The following GRIK2 variants were observed in gnomAD, a reference collection of about 807,000 sequenced individuals.
GRIK2 encodes the protein glutamate receptor ionotropic, kainate 2.
Under a neutral mutation model 100.3 loss-of-function variants are expected in GRIK2, and 32 were observed. The ratio of observed to expected loss-of-function variants is 0.32; its 90% CI spans 0.24 to 0.43. The LOEUF (loss-of-function observed/expected upper bound fraction) is 0.43, where lower values mean the gene tolerates loss of function less well. Ranked by LOEUF, GRIK2 falls within the 20% of genes least tolerant of loss-of-function variation. GRIK2 has a pLI of 1.00. For synonymous variants in GRIK2, 417 were observed against 389.4 expected (o/e 1.07, Z -0.83); for missense variants, 843 against 1,114.9 (o/e 0.76, Z 3.47).
At chr6:101,964,132 A>G (rs1792507709) in intron 14 of GRIK2, among the ~76,000 whole-genome samples, 1 of 150,856 alleles carries the variant, frequency 6.6e-6, no homozygotes, top group South Asian at 2.1e-4. Context: ...TAGATATATA[A>G]TATATACATA....
intron 2 of GRIK2, among the ~76,000 whole-genome samples, chr6:101,521,859 T>C (rs1247444717): frequency 1.3e-5 from 2 of 152,048 alleles, no homozygotes; most frequent in Non-Finnish European, 1.5e-5. Flanking sequence ...TTTATTTATG[T>C]ATAAAATAAG....
Position 101,889,752 on chromosome 6 carries a change from A to G in GRIK2, c.1637A>G (p.Asn546Ser), listed in dbSNP as rs749878989. The G allele has an allele frequency of 3.7e-6, 6 of 1,611,552 alleles. No homozygotes were observed. The highest frequency in any genetic ancestry group is 5.1e-6 in the Non-Finnish European group (6 of 1,177,940). ...LGISILYRKPNGTNPGVFSFL... is the reference protein window; with the variant it reads ...LGISILYRKPSGTNPGVFSFL... ...ATAAGTATTTTGTACCGCAAGCCCA[A>G]TGGTACAAACCCAGGCGTCTTCTCC... is the stretch of plus-strand genomic sequence containing the variant. Residue 546 changes from asparagine to serine, a missense_variant, in exon 12 of 17, where the codon AAT (asparagine) becomes AGT (serine). Around this residue, in one of 3 missense-constraint regions of GRIK2, gnomAD observed 237 missense variants for 388.0 expected, o/e 0.61. Coordinates refer to ENST00000369134, the MANE Select transcript of GRIK2 (RefSeq NM_021956.5).
intron 7 of GRIK2, among the ~76,000 whole-genome samples, chr6:101,688,068 A>T (rs1771832967): frequency 6.8e-6 from 1 of 147,080 alleles, no homozygotes; most frequent in South Asian, 2.1e-4. Flanking sequence ...ATAATATATA[A>T]AAATATTTAT....
At chr6:101,779,496 A>G (rs1249099412) in intron 7 of GRIK2, among the ~76,000 whole-genome samples, 1 of 152,232 alleles carries the variant, frequency 6.6e-6, no homozygotes, top group African/African-American at 2.4e-5. Context: ...AAAGGTTTGC[A>G]AAACAAAACA....
intron 13 of GRIK2, 113 bp from the exon 14 acceptor site, chr6:101,928,302 T>G (rs533279299): frequency 1.5e-6 from 1 of 648,284 alleles, no homozygotes; most frequent in Non-Finnish European, 2.8e-6. Context: ...TATGTAAATC[T>G]TTGATTTAAG....
intron 14 of GRIK2, among the ~76,000 whole-genome samples, chr6:101,969,361 G>A (rs536695829): frequency 2.6e-5 from 4 of 151,658 alleles, no homozygotes; most frequent in African/African-American, 9.7e-5. Flanking sequence ...AATTTGTATA[G>A]CTTCAAAATA....
intron 7 of GRIK2, among the ~76,000 whole-genome samples, chr6:101,738,455 C>T (rs1037744075): frequency 6.6e-5 from 10 of 152,126 alleles, no homozygotes; most frequent in African/African-American, 2.2e-4. Context: ...TACTTAGATA[C>T]TATATGCAAA....
intron 12 of GRIK2, among the ~76,000 whole-genome samples, chr6:101,923,024 C>A (rs983325347): frequency 6.6e-6 from 1 of 152,190 alleles, no homozygotes; most frequent in Non-Finnish European, 1.5e-5. Context: ...ATCAACCTTT[C>A]TGTTTAGTGT....
chr6:101,645,068 C>T (rs980504344), intron 4 of GRIK2, among the ~76,000 whole-genome samples: 3 of 151,466 alleles, frequency 2.0e-5, no homozygotes, highest in African/African-American at 7.3e-5. Flanking sequence ...TGTTGTTTAG[C>T]CCCTGAGACA....
At chr6:101,997,713 A>C (rs577077632) in intron 14 of GRIK2, among the ~76,000 whole-genome samples, 1 of 151,966 alleles carries the variant, frequency 6.6e-6, no homozygotes, top group South Asian at 2.1e-4. Context: ...TATCATCTAC[A>C]TTGATCTGTT....
intron 10 of GRIK2, among the ~76,000 whole-genome samples, chr6:101,850,009 A>G (rs1015734718): frequency 6.6e-6 from 1 of 151,860 alleles, no homozygotes; most frequent in Non-Finnish European, 1.5e-5. Context: ...ACCTGAATAT[A>G]CCTGTCTATT....
chr6:102,043,579 G>C (rs2895440), intron 15 of GRIK2, among the ~76,000 whole-genome samples: 210 of 151,912 alleles, frequency 1.4e-3, no homozygotes, highest in Admixed American at 2.3e-3. Flanking sequence ...TGTCGCAAAT[G>C]ACAGAATTTC....
intron 11 of GRIK2, among the ~76,000 whole-genome samples, chr6:101,880,020 G>A (rs1368191127): frequency 2.0e-5 from 3 of 151,870 alleles, no homozygotes; most frequent in East Asian, 1.9e-4. Context: ...TTAAATAACC[G>A]ACAAGTTGAA....
At chr6:101,615,736 A>G (rs562204805) in intron 2 of GRIK2, among the ~76,000 whole-genome samples, 50 of 151,962 alleles carry the variant, frequency 3.3e-4, no homozygotes, top group African/African-American at 1.2e-3. Context: ...AAGTCATAGG[A>G]AAGAAAAACA....
chr6:101,936,333 G>A (rs1459834436), intron 14 of GRIK2, among the ~76,000 whole-genome samples: 1 of 151,812 alleles, frequency 6.6e-6, no homozygotes, highest in African/African-American at 2.4e-5. Flanking sequence ...TTGAAATATC[G>A]AATGTGGGAA....
chr6:101,667,407 G>A (rs1355937522), intron 4 of GRIK2, among the ~76,000 whole-genome samples: 1 of 152,194 alleles, frequency 6.6e-6, no homozygotes, highest in Non-Finnish European at 1.5e-5. Flanking sequence ...AAGGAAGTAT[G>A]TATGTGTATG....
chr6:101,494,138 C>G (rs1289088090), intron 2 of GRIK2, among the ~76,000 whole-genome samples: 1 of 150,072 alleles, frequency 6.7e-6, no homozygotes, highest in Admixed American at 6.7e-5. Context: ...CCTAAGGCAA[C>G]AATTTTAAAG....
intron 7 of GRIK2, among the ~76,000 whole-genome samples, chr6:101,748,265 T>C (rs1428519771): frequency 1.3e-5 from 2 of 152,138 alleles, no homozygotes; most frequent in Non-Finnish European, 2.9e-5. Flanking sequence ...TTAGGGAAAG[T>C]CATGAAATAC....
intron 2 of GRIK2, among the ~76,000 whole-genome samples, chr6:101,412,629 C>G (rs193243421): frequency 6.6e-6 from 1 of 151,878 alleles, no homozygotes; most frequent in African/African-American, 2.4e-5. Flanking sequence ...ATTTTCAATT[C>G]TTTTAATAAT....
Sources: gnomAD v4.1 joint callset for allele counts (sites outside exome capture counted in the v4.1 genomes callset) on GRCh38, gnomAD v4.1.1 for gene constraint, gnomAD v4.1.1 regional missense constraint, MANE v1.5 for transcripts, NCBI Gene and HGNC (gene_info 2026-07-23, HGNC 2026-07-21) for gene names.